Variants in DGKB observed in about 807,000 individuals in gnomAD.
The protein encoded by DGKB is diacylglycerol kinase beta.
A neutral mutation model predicts 114.3 loss-of-function variants in DGKB; 67 were observed. That is an observed-to-expected ratio of 0.59 (90% CI 0.48 to 0.72). The LOEUF (loss-of-function observed/expected upper bound fraction) is 0.72, where lower values mean the gene tolerates loss of function less well. Among genes scored for constraint, DGKB ranks in the 30% least tolerant of loss-of-function variants. The pLI, the probability that DGKB is intolerant of heterozygous loss-of-function variation, is 0.00. For missense variants in DGKB, 907 were observed against 975.2 expected, an observed-to-expected ratio of 0.93 and a Z score of 0.93; for synonymous variants, 398 against 323.1, an observed-to-expected ratio of 1.23 and a Z score of -2.49.
chr7:14,512,746 A>G (rs1020739786), intron 20 of DGKB, among the ~76,000 whole-genome samples: 8 of 152,068 alleles, frequency 5.3e-5, no homozygotes, highest in Non-Finnish European at 8.8e-5. Flanking sequence ...TGTCCCTTAT[A>G]TATTATAGAA....
chr7:14,737,643 A>G (rs182256202), intron 4 of DGKB, among the ~76,000 whole-genome samples: 1 of 152,266 alleles, frequency 6.6e-6, no homozygotes, highest in East Asian at 1.9e-4. Flanking sequence ...TTATTTATCA[A>G]TAGTCCCAAG....
chr7:14,217,598 TA>T (rs950317802), intron 23 of DGKB, among the ~76,000 whole-genome samples: 32 of 145,658 alleles, frequency 2.2e-4, no homozygotes, highest in South Asian at 4.4e-4. Context: ...CACGGGAAAT[TA>T]AAAAAAAAAC....
intron 20 of DGKB, among the ~76,000 whole-genome samples, chr7:14,572,991 C>A (rs1798615973): frequency 6.6e-6 from 1 of 151,752 alleles, no homozygotes; most frequent in African/African-American, 2.4e-5. Context: ...GAAAAAGAGC[C>A]AAGATTGAAT....
chr7:14,497,776 C>G (rs75975672), intron 20 of DGKB, among the ~76,000 whole-genome samples: 1,653 of 151,918 alleles, frequency 0.011, 34 homozygotes, highest in East Asian at 0.089. Context: ...ACTGCAAAAC[C>G]AATAGGTGGG....
At chr7:14,436,022 G>T (rs1160759513) in intron 21 of DGKB, among the ~76,000 whole-genome samples, 1 of 151,912 alleles carries the variant, frequency 6.6e-6, no homozygotes, top group Non-Finnish European at 1.5e-5. Flanking sequence ...TATTTCAAAT[G>T]GAATCTAATG....
chr7:14,190,779 C>T (rs1473062594), intron 23 of DGKB: 1 of 152,382 alleles, frequency 6.6e-6, no homozygotes. Context: ...GTCATGAAAA[C>T]CATCCCTAAA....
chr7:14,973,011 A>G (rs1385414801), intron 1 of DGKB, among the ~76,000 whole-genome samples: 1 of 151,990 alleles, frequency 6.6e-6, no homozygotes, highest in African/African-American at 2.4e-5. Flanking sequence ...GATGGTTTGG[A>G]ACAGATTTTT....
chr7:14,213,029 C>T (rs891103599), intron 23 of DGKB, among the ~76,000 whole-genome samples: 2 of 152,008 alleles, frequency 1.3e-5, no homozygotes, highest in Non-Finnish European at 2.9e-5. Flanking sequence ...GAAATATATT[C>T]ATTCAAATTT....
chr7:14,922,047 A>T (rs2128247427), intron 1 of DGKB, among the ~76,000 whole-genome samples: 1 of 152,296 alleles, frequency 6.6e-6, no homozygotes, highest in East Asian at 1.9e-4. Flanking sequence ...AGAGATGCTA[A>T]AATGATGACT....
At chr7:14,584,452 C>G (rs1446322674) in intron 17 of DGKB, among the ~76,000 whole-genome samples, 3 of 152,092 alleles carry the variant, frequency 2.0e-5, no homozygotes, top group Non-Finnish European at 4.4e-5. Context: ...CTTGCAACCA[C>G]AAAACACTAC....
intron 2 of DGKB, among the ~76,000 whole-genome samples, chr7:14,803,529 A>T (rs988046992): frequency 6.6e-6 from 1 of 152,114 alleles, no homozygotes; most frequent in Non-Finnish European, 1.5e-5. Context: ...TCTCATTTGT[A>T]AATTTTTGGT....
intron 1 of DGKB, among the ~76,000 whole-genome samples, chr7:14,864,736 T>C (rs1212723418): frequency 1.3e-5 from 2 of 150,920 alleles, no homozygotes; most frequent in Non-Finnish European, 2.9e-5. Context: ...GTCGGGGTGT[T>C]ACAAGCCATG....
intron 21 of DGKB, among the ~76,000 whole-genome samples, chr7:14,426,959 C>G (rs1827662906): frequency 6.6e-6 from 1 of 151,838 alleles, no homozygotes; most frequent in Admixed American, 6.6e-5. Flanking sequence ...ACTTAAGAGG[C>G]TGAGGCATGA....
At chr7:14,767,587 A>C (rs1344618578) in intron 2 of DGKB, among the ~76,000 whole-genome samples, 1 of 151,738 alleles carries the variant, frequency 6.6e-6, no homozygotes, top group Non-Finnish European at 1.5e-5. Context: ...TTTCTTTTAC[A>C]TTTTCACTAG....
chr7:14,301,173 A>G (rs765353330), intron 23 of DGKB, among the ~76,000 whole-genome samples: 29 of 152,150 alleles, frequency 1.9e-4, no homozygotes, highest in Non-Finnish European at 3.1e-4. Context: ...GCATCATCTT[A>G]TAAATATATT....
chr7:14,770,137 G>C (rs1468176153), intron 2 of DGKB, among the ~76,000 whole-genome samples: 1 of 152,014 alleles, frequency 6.6e-6, no homozygotes, highest in South Asian at 2.1e-4. Context: ...TTGTAAAATT[G>C]TTATGTGGTA....
At chr7:14,335,759 T>C (rs1041759961) in intron 23 of DGKB, among the ~76,000 whole-genome samples, 1 of 152,332 alleles carries the variant, frequency 6.6e-6, no homozygotes, top group South Asian at 2.1e-4. Flanking sequence ...TGTTTTGTTT[T>C]GTTTTTTTTA....
At chr7:14,368,883 A>G (rs1489679711) in intron 21 of DGKB, among the ~76,000 whole-genome samples, 2 of 152,066 alleles carry the variant, frequency 1.3e-5, no homozygotes, top group Non-Finnish European at 2.9e-5. Flanking sequence ...GATTTCTGTG[A>G]AAGAGAAAGA....
Position 14,718,578 on chromosome 7 carries a change from G to A in DGKB, c.430C>T (p.Leu144=). ...TCCTCAGGTCTTCCTCTTTCAAGCAGAGACAGGTAACAGACAATGTCCTTC... is the reference window on the plus strand; with the variant it reads ...TCCTCAGGTCTTCCTCTTTCAAGCAAAGACAGGTAACAGACAATGTCCTTC... ...HLKDIVCYLS[L]LERGRPEDKL... Residue 144 remains leucine, a synonymous_variant, in exon 6 of 26, where the codon CTG becomes TTG. Transcript: ENST00000402815. The A allele has an allele frequency of 4.3e-6, 7 of 1,612,986 alleles. No homozygotes were observed. Among genetic ancestry groups the A allele is most frequent in the African/African-American group, 1.3e-5 (1 of 74,942 alleles).
Sources: gnomAD v4.1 joint callset for allele counts (sites outside exome capture counted in the v4.1 genomes callset) on GRCh38, gnomAD v4.1.1 for gene constraint, MANE v1.5 for transcripts, NCBI Gene and HGNC (gene_info 2026-07-23, HGNC 2026-07-21) for gene names.